Variants in MALRD1 observed in about 807,000 individuals in gnomAD.
MALRD1 encodes MAM and LDL-receptor class A domain-containing protein 1.
A neutral mutation model predicts 242.1 loss-of-function variants in MALRD1; 247 were observed. The observed-to-expected ratio is 1.02, with a 90% confidence interval of 0.92 to 1.13. MALRD1 has a LOEUF of 1.13. Among genes scored for constraint, MALRD1 ranks in the 50% most tolerant of loss-of-function variants. The pLI, the probability that MALRD1 is intolerant of heterozygous loss-of-function variation, is 0.00. For synonymous variants in MALRD1, 995 were observed against 866.6 expected (o/e 1.15, Z -2.60); for missense variants, 2,989 against 2,533.1 (o/e 1.18, Z -3.86).
chr10:19,343,440 A>G (rs1280615165), intron 24 of MALRD1, among the ~76,000 whole-genome samples: 1 of 152,140 alleles, frequency 6.6e-6, no homozygotes, highest in African/African-American at 2.4e-5. Context: ...CATTGCCACA[A>G]TCAAGATACT....
At chr10:19,357,155 A>G (rs1844676248) in intron 26 of MALRD1, among the ~76,000 whole-genome samples, 1 of 152,038 alleles carries the variant, frequency 6.6e-6, no homozygotes, top group Non-Finnish European at 1.5e-5. Context: ...CTCAAGGTCA[A>G]ATGTGAAAGC....
intron 10 of MALRD1, among the ~76,000 whole-genome samples, chr10:19,144,082 G>C (rs1833641734): frequency 6.6e-6 from 1 of 152,190 alleles, no homozygotes; most frequent in Non-Finnish European, 1.5e-5. Flanking sequence ...TCATAGCAGT[G>C]CACCATTAGG....
intron 4 of MALRD1, among the ~76,000 whole-genome samples, chr10:19,095,429 G>A (rs541129907): frequency 2.0e-5 from 3 of 152,206 alleles, no homozygotes; most frequent in Non-Finnish European, 4.4e-5. Context: ...CAGAGACTGA[G>A]ACTGTACTCT....
intron 31 of MALRD1, among the ~76,000 whole-genome samples, chr10:19,516,627 T>A (rs1833639781): frequency 6.6e-6 from 1 of 151,804 alleles, no homozygotes; most frequent in Non-Finnish European, 1.5e-5. Flanking sequence ...CTCCTCCTGC[T>A]CCTCCTCTTC....
intron 28 of MALRD1, among the ~76,000 whole-genome samples, chr10:19,400,742 G>A (rs1195526309): frequency 1.3e-5 from 2 of 152,142 alleles, no homozygotes; most frequent in Admixed American, 1.3e-4. Flanking sequence ...GAGGCCAGGT[G>A]TGGTAGCTCA....
At chr10:19,689,912 G>A (rs573527713) in intron 36 of MALRD1, among the ~76,000 whole-genome samples, 62 of 152,102 alleles carry the variant, frequency 4.1e-4, no homozygotes, top group African/African-American at 1.4e-3. Flanking sequence ...TGGAATCATA[G>A]ATTTCACCAT....
chr10:19,363,721 T>C, intron 26 of MALRD1, among the ~76,000 whole-genome samples: 1 of 152,162 alleles, frequency 6.6e-6, no homozygotes, highest in East Asian at 1.9e-4. Context: ...AAAGGATGAA[T>C]GAGTCTTGAT....
At chr10:19,312,353 T>G in intron 21 of MALRD1, among the ~76,000 whole-genome samples, 1 of 148,698 alleles carries the variant, frequency 6.7e-6, no homozygotes, top group Admixed American at 6.8e-5. Context: ...TAACCTCTGG[T>G]TCAGTACAGG....
chr10:19,350,978 A>G (rs1345517134), intron 25 of MALRD1, among the ~76,000 whole-genome samples: 1 of 152,186 alleles, frequency 6.6e-6, no homozygotes, highest in Admixed American at 6.5e-5. Context: ...GTTAGTCCAT[A>G]GAACAAGTAT....
intron 29 of MALRD1, among the ~76,000 whole-genome samples, chr10:19,478,704 G>T (rs999527939): frequency 3.3e-5 from 5 of 151,926 alleles, no homozygotes; most frequent in Non-Finnish European, 7.4e-5. Context: ...TTTGCTTTCT[G>T]CCTCATTTCA....
chr10:19,257,676 T>G lies in MALRD1; in HGVS notation c.2992-8T>G. 3 of 1,515,270 alleles carry G rather than the reference T, an allele frequency of 2.0e-6. No homozygotes were observed. Among genetic ancestry groups the G allele is most frequent in the South Asian group, 2.5e-5 (2 of 78,788 alleles). The allele number at this position is 1,515,270 out of a possible 1,614,324, so 93.9% of individuals were successfully genotyped here. ...TTCTTATTTTTATTTTTTATTTTAT[T>G]TTTTTAGATATTGGTGGAGGCTTCA... is the stretch of plus-strand genomic sequence containing the variant. On this transcript the variant is annotated splice_polypyrimidine_tract_variant and splice_region_variant and intron_variant, in intron 18 of 39. Coordinates refer to ENST00000454679, the MANE Select transcript of MALRD1 (RefSeq NM_001142308.3).
In MALRD1 at chr10:19,488,796, A is replaced by C. The variant is rs1287032641; in HGVS notation, c.5030-2721A>C. On this transcript the variant is annotated intron_variant, in intron 29 of 39. Transcript: ENST00000454679. ...TAGGTAATGATCAGCCTCGGTCCCC[A>C]CCTGTACAACGATGGAAAGGTGTGT... 9.2e-6 allele frequency: 3 copies of C among 324,462 alleles called. No individual in the cohort carries two copies. In the East Asian group the frequency reaches 2.3e-4, roughly 25 times the overall value. 20.1% of individuals were successfully genotyped at this position (324,462 alleles called of 1,614,324 possible).
intron 11 of MALRD1, among the ~76,000 whole-genome samples, chr10:19,148,803 A>G (rs974258481): frequency 6.9e-6 from 1 of 144,648 alleles, no homozygotes; most frequent in African/African-American, 2.5e-5. Context: ...ATATATATAT[A>G]TATATATCTG....
At chr10:19,148,788 A>AAATATATATATATATATATATATATAT (rs1206724666) in intron 11 of MALRD1, among the ~76,000 whole-genome samples, 9 of 88,040 alleles carry the variant, frequency 1.0e-4, no homozygotes, top group Non-Finnish European at 1.7e-4. Flanking sequence ...AAAAAAAAAA[A>AAATATATATATATATATATATATATAT]ATATATATAT....
intron 14 of MALRD1, among the ~76,000 whole-genome samples, chr10:19,176,477 C>T (rs1835250614): frequency 6.8e-6 from 1 of 146,928 alleles, no homozygotes; most frequent in African/African-American, 2.5e-5. Flanking sequence ...CGGGTTCAAG[C>T]CATTCTCCTG....
intron 31 of MALRD1, among the ~76,000 whole-genome samples, chr10:19,521,619 A>T (rs751224933): frequency 6.6e-6 from 1 of 152,140 alleles, no homozygotes; most frequent in Non-Finnish European, 1.5e-5. Flanking sequence ...TGTAAAGATA[A>T]TATTTTAGAA....
At chr10:19,258,807 C>CA (rs1839626051) in intron 19 of MALRD1, among the ~76,000 whole-genome samples, 1 of 152,100 alleles carries the variant, frequency 6.6e-6, no homozygotes, top group African/African-American at 2.4e-5. Flanking sequence ...AACAAATTTA[C>CA]CCTTACCTCT....
chr10:19,377,639 A>AC (rs1554842701), intron 26 of MALRD1, among the ~76,000 whole-genome samples: 1 of 150,490 alleles, frequency 6.6e-6, no homozygotes, highest in African/African-American at 2.5e-5. Flanking sequence ...AGTCATAATT[A>AC]TTTTTTTTTC....
intron 36 of MALRD1, among the ~76,000 whole-genome samples, chr10:19,674,259 G>C (rs58314583): frequency 0.025 from 3,786 of 152,260 alleles, 142 homozygotes; most frequent in African/African-American, 0.085. Context: ...CACATGGTTT[G>C]ATAGGATATG....
Sources: allele counts gnomAD v4.1 joint callset (sites outside exome capture counted in the v4.1 genomes callset), GRCh38; gene constraint gnomAD v4.1.1; transcripts MANE v1.5; gene names NCBI Gene and HGNC (gene_info 2026-07-23, HGNC 2026-07-21).